The following RBM6 variants were observed in gnomAD, a reference collection of about 807,000 sequenced individuals.
The protein encoded by RBM6 is RNA-binding protein 6.
A neutral mutation model predicts 140.4 loss-of-function variants in RBM6; 23 were observed. The ratio of observed to expected loss-of-function variants is 0.16; its 90% CI spans 0.12 to 0.23. The LOEUF (loss-of-function observed/expected upper bound fraction) is 0.23. Among genes scored for constraint, RBM6 ranks in the 10% least tolerant of loss-of-function variants. The pLI is 1.00. For missense variants in RBM6, 1,139 were observed against 1,386.7 expected (o/e 0.82, Z 2.84); for synonymous variants, 439 against 475.6 (o/e 0.92, Z 1.00).
chr3:50,070,435 G>A lies in RBM6; in HGVS notation c.3019-20G>A. 1 of 1,587,414 alleles carries A rather than the reference G, an allele frequency of 6.3e-7. No homozygotes were observed. ...TCCCTCAGGTGGCAATCTCAGGTCT[G>A]CTCTTCTGCTTACCAACAGGGAAAG... On this transcript the variant is annotated intron_variant, in intron 18 of 20. Coordinates refer to ENST00000266022, the MANE Select transcript of RBM6 (RefSeq NM_005777.3).
rs2084567896 is a variant in RBM6, at chr3:49,967,696, C to T, written c.271C>T (p.Pro91Ser). 1 of 1,613,920 alleles carries T rather than the reference C, an allele frequency of 6.2e-7. No homozygotes were observed. Among genetic ancestry groups the T allele is most frequent in the Non-Finnish European group, 8.5e-7 (1 of 1,180,020 alleles). ...PHGDYRGGEG[P>S]GHDFRGGDFS... is the part of the protein sequence containing the mutation. ...TGGTGACTATCGAGGAGGGGAGGGA[C>T]CTGGACATGATTTCAGGGGGGGAGA... The change falls in exon 3 of 21, where the codon CCT becomes TCT. Residue 91 changes from proline to serine, a missense_variant. Coordinates refer to ENST00000266022, the MANE Select transcript of RBM6 (RefSeq NM_005777.3). The surrounding 1 kb of genome is among the most constrained non-coding windows in gnomAD (Gnocchi z 4.0).
chr3:49,995,545 C>CA (rs762641031), intron 5 of RBM6, among the ~76,000 whole-genome samples: 1,662 of 80,362 alleles, frequency 0.021, 11 homozygotes, highest in African/African-American at 0.03. Flanking sequence ...GACTCTGTCT[C>CA]AAAAAAAAAA....
chr3:50,061,931 G>C (rs1160847830), intron 14 of RBM6, 31 bp from the exon 15 acceptor site: 5 of 1,605,154 alleles, frequency 3.1e-6, no homozygotes, highest in Non-Finnish European at 4.2e-6. Flanking sequence ...GAAACATTCT[G>C]TAGACTTACT....
chr3:49,982,262 CTTTTTTTTTTTTTTTTTT>C (rs751604271), intron 5 of RBM6, among the ~76,000 whole-genome samples: 2 of 68,426 alleles, frequency 2.9e-5, no homozygotes, highest in Admixed American at 1.8e-4. Flanking sequence ...CTTTTCTTTT[CTTTTTTTTTTTTTTTTTT>C]TTTTTTTTTT....
intron 1 of RBM6, among the ~76,000 whole-genome samples, chr3:49,946,391 C>T (rs1172675879): frequency 1.3e-5 from 2 of 151,988 alleles, no homozygotes; most frequent in Admixed American, 1.3e-4. Flanking sequence ...CAGGCAGCCG[C>T]CACCGTGCCC....
At chr3:49,989,900 C>T (rs1369228064) in intron 5 of RBM6, among the ~76,000 whole-genome samples, 1 of 152,096 alleles carries the variant, frequency 6.6e-6, no homozygotes, top group African/African-American at 2.4e-5. Context: ...TTGCCCACCA[C>T]CACGCCTGGC....
intron 18 of RBM6, 31 bp from the exon 19 acceptor site, chr3:50,070,424 A>G (rs1279867302): frequency 8.5e-6 from 13 of 1,525,302 alleles, no homozygotes; most frequent in African/African-American, 2.7e-5. Flanking sequence ...TCAGGTGGCA[A>G]TCTCAGGTCT....
intron 7 of RBM6, among the ~76,000 whole-genome samples, chr3:50,050,651 T>G (rs1036901126): frequency 1.3e-5 from 2 of 152,214 alleles, no homozygotes; most frequent in Non-Finnish European, 2.9e-5. Context: ...TTAGCAAACC[T>G]TTTCATAGAC....
chr3:50,060,888 G>A (rs1157882497), intron 11 of RBM6, 68 bp from the exon 12 acceptor site: 4 of 1,468,600 alleles, frequency 2.7e-6, no homozygotes, highest in East Asian at 4.6e-5. Flanking sequence ...GATAGGAACT[G>A]TAGGATTAAG....
At chr3:49,985,954 T>C (rs768259558) in intron 5 of RBM6, among the ~76,000 whole-genome samples, 6 of 152,072 alleles carry the variant, frequency 3.9e-5, no homozygotes, top group Non-Finnish European at 7.4e-5. Context: ...CATTGTGTTA[T>C]GTATAGAAAA....
At chr3:49,984,619 TCG>T (rs1402130495) in intron 5 of RBM6, among the ~76,000 whole-genome samples, 9 of 38,342 alleles carry the variant, frequency 2.3e-4, no homozygotes, top group African/African-American at 1.3e-3. Flanking sequence ...TCACATCGCA[TCG>T]CATCGCATCG....
chr3:49,967,855 G>C lies in RBM6; in HGVS notation c.430G>C (p.Asp144His). The C allele has an allele frequency of 1.9e-6, 3 of 1,614,152 alleles. No individual in the cohort carries two copies. The highest frequency in any genetic ancestry group is 2.5e-6 in the Non-Finnish European group (3 of 1,180,040). The change falls in exon 3 of 21, where the codon GAT becomes CAT. Residue 144 changes from aspartate to histidine, a missense_variant. Physicochemically the swap from Asp to His is moderately conservative, Grantham distance 81. Transcript: ENST00000266022. The surrounding 1 kb of genome is among the most constrained non-coding windows in gnomAD (Gnocchi z 4.0). ...TAGGGGTGGAGATGGTACTTCTATG[G>C]ATTATAGAGGTAGGGAGGCACCTCA... is the stretch of plus-strand genomic sequence containing the variant. Reference protein sequence around the residue: ...DYRGGDGTSMDYRGREAPHMN... With the variant: ...DYRGGDGTSMHYRGREAPHMN...
At chr3:50,029,620 C>T (rs1289924617) in intron 6 of RBM6, among the ~76,000 whole-genome samples, 1 of 152,112 alleles carries the variant, frequency 6.6e-6, no homozygotes, top group Non-Finnish European at 1.5e-5. Flanking sequence ...GTAGGCCCAG[C>T]TACTCAGGAG....
intron 6 of RBM6, among the ~76,000 whole-genome samples, chr3:50,024,188 A>C (rs1279099604): frequency 3.3e-5 from 5 of 152,220 alleles, no homozygotes; most frequent in Admixed American, 1.3e-4. Flanking sequence ...TAAATGTAGC[A>C]CATGAAGAGC....
At chr3:49,941,038 C>T (rs57281310) in intron 1 of RBM6, 13 of 152,068 alleles carry the variant, frequency 8.5e-5, no homozygotes, top group Admixed American at 2.6e-4. Context: ...GACATGCAGA[C>T]ATGGTCACCT....
intron 6 of RBM6, among the ~76,000 whole-genome samples, chr3:50,044,122 C>T (rs2089092954): frequency 2.0e-5 from 3 of 151,896 alleles, no homozygotes; most frequent in Admixed American, 2.0e-4. Context: ...AGGCAGTCCA[C>T]CCGCCTCGGC....
At chr3:50,008,838 A>T (rs1393785661) in intron 6 of RBM6, among the ~76,000 whole-genome samples, 1 of 152,198 alleles carries the variant, frequency 6.6e-6, no homozygotes, top group Non-Finnish European at 1.5e-5. Flanking sequence ...GGCGTGAGCC[A>T]CCGTGCCTGG....
chr3:49,973,578 G>T (rs2108649271), intron 4 of RBM6, among the ~76,000 whole-genome samples: 1 of 149,422 alleles, frequency 6.7e-6, no homozygotes, highest in South Asian at 2.1e-4. Flanking sequence ...ATGCTCTTCT[G>T]CTTTTCTTTT....
At chr3:49,978,005 A>AT (rs34996484) in intron 5 of RBM6, among the ~76,000 whole-genome samples, 5 of 151,716 alleles carry the variant, frequency 3.3e-5, no homozygotes, top group East Asian at 1.9e-4. Flanking sequence ...TGACTTAAAA[A>AT]TTTTTTTTTA....
Sources: allele counts gnomAD v4.1 joint callset (sites outside exome capture counted in the v4.1 genomes callset), GRCh38; gene constraint gnomAD v4.1.1; non-coding constraint Gnocchi (gnomAD v3.1); transcripts MANE v1.5; gene names NCBI Gene and HGNC (gene_info 2026-07-23, HGNC 2026-07-21).